The following PRCP variants were observed in gnomAD, a reference collection of about 807,000 sequenced individuals.
PRCP encodes the protein lysosomal Pro-X carboxypeptidase.
In PRCP, 46 loss-of-function variants were observed where a neutral mutation model predicts 54.2. The ratio of observed to expected loss-of-function variants is 0.85; its 90% CI spans 0.67 to 1.09. The LOEUF is 1.09. Ranked by LOEUF, PRCP falls within the 50% of genes least tolerant of loss-of-function variation. The probability of loss-of-function intolerance (pLI) is 0.00; values close to 1 mark genes in which losing one functional copy is unlikely to be tolerated. For synonymous variants in PRCP, 240 were observed against 212.2 expected, an observed-to-expected ratio of 1.13 and a Z score of -1.14; for missense variants, 613 against 596.8, an observed-to-expected ratio of 1.03 and a Z score of -0.28.
chr11:82,890,340 G>A (rs1346704352), intron 1 of PRCP, among the ~76,000 whole-genome samples: 1 of 152,144 alleles, frequency 6.6e-6, no homozygotes, highest in Admixed American at 6.5e-5. Flanking sequence ...CTGAGAAACA[G>A]CACACAAGTT....
chr11:82,830,328 T>A (rs933081630), intron 8 of PRCP: 1 of 151,644 alleles, frequency 6.6e-6, no homozygotes, highest in Non-Finnish European at 1.5e-5. Context: ...TGTAATACAA[T>A]CTAAAATTGC....
At chr11:82,839,537 G>A in intron 6 of PRCP, 112 bp from the exon 7 acceptor site, 4 of 1,139,460 alleles carry the variant, frequency 3.5e-6, no homozygotes, top group Admixed American at 4.8e-5. Context: ...ATATTCTTAA[G>A]CTACTAACTG....
intron 1 of PRCP, among the ~76,000 whole-genome samples, chr11:82,871,054 T>C (rs1859468542): frequency 6.6e-6 from 1 of 152,056 alleles, no homozygotes; most frequent in Non-Finnish European, 1.5e-5. Context: ...AATAATCTCA[T>C]AAAAATAATG....
intron 7 of PRCP, among the ~76,000 whole-genome samples, chr11:82,838,782 T>G (rs1565218910): frequency 1.3e-5 from 2 of 152,218 alleles, no homozygotes; most frequent in East Asian, 3.8e-4. Context: ...GAAGTCAGGA[T>G]TATGTCCCTT....
At chr11:82,880,019 G>T (rs1290815198) in intron 1 of PRCP, among the ~76,000 whole-genome samples, 2 of 152,200 alleles carry the variant, frequency 1.3e-5, no homozygotes, top group Non-Finnish European at 2.9e-5. Context: ...TCCATTCTCA[G>T]ATCTCAAACT....
chr11:82,880,796 G>A (rs1859731297), intron 1 of PRCP, among the ~76,000 whole-genome samples: 1 of 150,038 alleles, frequency 6.7e-6, no homozygotes, highest in Non-Finnish European at 1.5e-5. Flanking sequence ...GAAAACTAGA[G>A]AGGAGGAAAT....
chr11:82,884,930 G>A lies in PRCP; in HGVS notation c.168+15305C>T, dbSNP rs777115494. 1.7e-5 allele frequency: 28 copies of A among 1,606,904 alleles called. 1 individual carries two copies. The Admixed American group carries it at 4.6e-4, about 27-fold the overall frequency. On this transcript the variant is annotated intron_variant, in intron 1 of 8. Transcript: ENST00000313010. Reference sequence around the variant, plus strand: ...GATTTATTACTAATATATTTTGAAAGGTTTTACTAGCACACACCTCCCAGC... The same window carrying A: ...GATTTATTACTAATATATTTTGAAAAGTTTTACTAGCACACACCTCCCAGC...
chr11:82,884,815 A>T, intron 1 of PRCP: 2 of 1,611,574 alleles, frequency 1.2e-6, no homozygotes, highest in Non-Finnish European at 1.7e-6. Context: ...GAAAAAAATA[A>T]CACCTACCAG....
intron 8 of PRCP, chr11:82,827,759 T>A (rs546627538): frequency 6.6e-6 from 1 of 152,314 alleles, no homozygotes; most frequent in South Asian, 2.1e-4. Context: ...TATTCCTATA[T>A]GAATTTCAGG....
chr11:82,825,182 T>C lies in PRCP; in HGVS notation c.1275-60A>G, dbSNP rs1395428986. ...TTAGTTTTTCATGTTAACACTCAGA[T>C]AAGCTAGAAGAAACCTATTACATGT... On this transcript the variant is annotated intron_variant, in intron 8 of 8. Coordinates refer to ENST00000313010, the MANE Select transcript of PRCP (RefSeq NM_005040.4). The C allele has an allele frequency of 5.5e-6, 8 of 1,460,492 alleles. No homozygotes were observed. In the African/African-American group the frequency reaches 7.1e-5, roughly 13 times the overall value. The allele number at this position is 1,460,492 out of a possible 1,614,324, so 90.5% of individuals were successfully genotyped here. A position where few individuals can be genotyped will look rare whatever the true frequency, so the allele number is the denominator to read the frequency against.
chr11:82,856,398 T>C lies in PRCP; in HGVS notation c.310-3120A>G, dbSNP rs190480252. On this transcript the variant is annotated intron_variant, in intron 2 of 8. Coordinates refer to ENST00000313010, the MANE Select transcript of PRCP (RefSeq NM_005040.4). ...TGGATGTAGCTGGAGGCCATTATCC[T>C]AAGTGACCTAATAGAGCAACAGGAA... is the stretch of plus-strand genomic sequence containing the variant. 3.4e-3 allele frequency among the ~76,000 whole-genome samples: 522 copies of C among 152,342 alleles called. 1 individual carries two copies. The highest frequency in any genetic ancestry group is 6.4e-3 in the Non-Finnish European group (435 of 68,030).
At chr11:82,848,093 A>G (rs1288773066) in intron 6 of PRCP, among the ~76,000 whole-genome samples, 1 of 152,246 alleles carries the variant, frequency 6.6e-6, no homozygotes, top group Non-Finnish European at 1.5e-5. Context: ...CAAGGTATAC[A>G]TGTAATAATT....
chr11:82,881,457 A>C (rs1186671287), intron 1 of PRCP, among the ~76,000 whole-genome samples: 1 of 152,182 alleles, frequency 6.6e-6, no homozygotes, highest in Non-Finnish European at 1.5e-5. Context: ...TGGGGGTAGG[A>C]CAGCCCCCGC....
intron 1 of PRCP, among the ~76,000 whole-genome samples, chr11:82,898,124 T>A (rs1274560843): frequency 6.6e-6 from 1 of 152,168 alleles, no homozygotes; most frequent in African/African-American, 2.4e-5. Context: ...AATACATATG[T>A]AAAAGTTTTC....
chr11:82,828,691 A>G (rs1171969110), intron 8 of PRCP: 2 of 152,256 alleles, frequency 1.3e-5, no homozygotes, highest in African/African-American at 2.4e-5. Context: ...TTTCTCAGCT[A>G]TAAGTACAAC....
In PRCP at chr11:82,849,848, A is replaced by C. The variant is rs75803732; in HGVS notation, c.751+66T>G. ...CAAAATGTTTACTTAAAAAGCGACAACTACTGAATTTAACAAATGAAAGGT... is the reference window on the plus strand; with the variant it reads ...CAAAATGTTTACTTAAAAAGCGACACCTACTGAATTTAACAAATGAAAGGT... On this transcript the variant is annotated intron_variant, in intron 5 of 8. Coordinates refer to ENST00000313010, the MANE Select transcript of PRCP (RefSeq NM_005040.4). 3,178 of 1,272,776 alleles carry C rather than the reference A, an allele frequency of 2.5e-3. 66 individuals carry two copies. The African/African-American group carries it at 0.041, about 16-fold the overall frequency. The allele number at this position is 1,272,776 out of a possible 1,614,324, so 78.8% of individuals were successfully genotyped here.
At chr11:82,858,788 C>A (rs1859146903) in intron 2 of PRCP, 1 of 152,162 alleles carries the variant, frequency 6.6e-6, no homozygotes, top group Non-Finnish European at 1.5e-5. Context: ...AAGGAGATTT[C>A]TCTTGTCTCC....
intron 8 of PRCP, chr11:82,837,072 A>G: frequency 4.6e-6 from 1 of 216,760 alleles, no homozygotes. Context: ...TGTCAAGGTG[A>G]TGTCACACAT....
chr11:82,858,326 G>A (rs183805772), intron 2 of PRCP: 25 of 152,310 alleles, frequency 1.6e-4, no homozygotes, highest in African/African-American at 5.5e-4. Context: ...TTCAAACCTT[G>A]TCTATCTGAC....
Sources: gnomAD v4.1 joint callset for allele counts (sites outside exome capture counted in the v4.1 genomes callset) on GRCh38, gnomAD v4.1.1 for gene constraint, MANE v1.5 for transcripts, NCBI Gene and HGNC (gene_info 2026-07-23, HGNC 2026-07-21) for gene names.